Variants in GADL1 observed in about 807,000 individuals in gnomAD.
GADL1 encodes the protein GAD like acidic amino acid decarboxylase 1.
Under a neutral mutation model 69.5 loss-of-function variants are expected in GADL1, and 71 were observed. The observed-to-expected ratio is 1.02, with a 90% CI of 0.84 to 1.25. The LOEUF is 1.25. GADL1 is among the 50% of genes most tolerant of loss of function. The pLI, the probability that GADL1 is intolerant of heterozygous loss-of-function variation, is 0.00. For missense variants in GADL1, 737 were observed against 631.8 expected (o/e 1.17, Z -1.79); for synonymous variants, 254 against 214.4 (o/e 1.18, Z -1.62).
chr3:30,729,781 T>C, intron 14 of GADL1, among the ~76,000 whole-genome samples: 1 of 152,224 alleles, frequency 6.6e-6, no homozygotes, highest in East Asian at 1.9e-4. Flanking sequence ...TAATTTTAAC[T>C]CAACACTTTT....
chr3:30,768,123 T>G (rs898131319), intron 14 of GADL1, among the ~76,000 whole-genome samples: 1 of 150,670 alleles, frequency 6.6e-6, no homozygotes, highest in South Asian at 2.1e-4. Flanking sequence ...TGCAAATGTA[T>G]ACAGACTTCT....
intron 12 of GADL1, among the ~76,000 whole-genome samples, chr3:30,787,447 T>G (rs1180953310): frequency 6.6e-6 from 1 of 152,186 alleles, no homozygotes; most frequent in East Asian, 1.9e-4. Context: ...ATGGCTGGCC[T>G]TGAAAACTAG....
chr3:30,789,556 A>G (rs771351863), intron 12 of GADL1, among the ~76,000 whole-genome samples: 2 of 152,202 alleles, frequency 1.3e-5, no homozygotes, highest in Admixed American at 6.6e-5. Context: ...GAAGACGGGC[A>G]TTGACTTCCC....
chr3:30,796,605 A>G (rs1023281927), intron 12 of GADL1, among the ~76,000 whole-genome samples: 1 of 152,150 alleles, frequency 6.6e-6, no homozygotes, highest in African/African-American at 2.4e-5. Context: ...CTTGAACCCG[A>G]AAGAATATAG....
intron 6 of GADL1, among the ~76,000 whole-genome samples, chr3:30,847,470 TAA>T (rs1424706933): frequency 6.6e-6 from 1 of 152,194 alleles, no homozygotes; most frequent in African/African-American, 2.4e-5. Context: ...ACGCAGAGTT[TAA>T]GACTGTTTAC....
At chr3:30,763,364 A>G (rs904772631) in intron 14 of GADL1, among the ~76,000 whole-genome samples, 4 of 151,978 alleles carry the variant, frequency 2.6e-5, no homozygotes, top group African/African-American at 7.3e-5. Context: ...TTAACCAAGT[A>G]TAGTGGCCGG....
intron 1 of GADL1, among the ~76,000 whole-genome samples, chr3:30,893,022 T>C (rs1022784842): frequency 6.6e-6 from 1 of 152,064 alleles, no homozygotes; most frequent in Non-Finnish European, 1.5e-5. Flanking sequence ...GCCCGGCTAA[T>C]TTTTTGTATT....
rs1024252050 is a variant in GADL1 at position 30,805,758 on chromosome 3, T to TG, written c.1051-4671dup. ...CCTTTTTTTTTTTTTTTTTTTTTTT[T>TG]GGGCACCAGGGACCAGTGCTCATGG... On this transcript the variant is annotated intron_variant, in intron 11 of 14. Transcript: ENST00000282538. Among the ~76,000 whole-genome samples, 38 of 143,398 alleles carry TG rather than the reference T, an allele frequency of 2.6e-4. No individual in the cohort carries two copies. In the East Asian group the frequency reaches 7.4e-3, roughly 28 times the overall value. The allele number at this position is 143,398 out of a possible 152,430, so 94.1% of individuals were successfully genotyped here. A position where few individuals can be genotyped will look rare whatever the true frequency, so the allele number is the denominator to read the frequency against.
At chr3:30,879,736 A>G (rs1698619389) in intron 1 of GADL1, among the ~76,000 whole-genome samples, 1 of 151,894 alleles carries the variant, frequency 6.6e-6, no homozygotes. Flanking sequence ...TGCATTAAAT[A>G]TTACTTTTTC....
At position 30,826,934 on chromosome 3, in the gene GADL1, G is replaced by A. The variant is rs113541024; in HGVS notation, c.1050+6919C>T. ...GAGTCAAGATTTTTAAAGTGCCAACGTGGGATGGGATGAGAGAAGGTAATG... is the reference window on the plus strand; with the variant it reads ...GAGTCAAGATTTTTAAAGTGCCAACATGGGATGGGATGAGAGAAGGTAATG... On this transcript the variant is annotated intron_variant, in intron 11 of 14. Transcript: ENST00000282538. 5.6e-3 allele frequency among the ~76,000 whole-genome samples: 855 copies of A among 151,944 alleles called. 12 individuals are homozygous for A. The highest frequency in any genetic ancestry group is 0.02 in the African/African-American group (823 of 41,480).
At chr3:30,824,202 A>G (rs980656435) in intron 11 of GADL1, among the ~76,000 whole-genome samples, 1 of 151,664 alleles carries the variant, frequency 6.6e-6, no homozygotes, top group Non-Finnish European at 1.5e-5. Context: ...AAGCCAGAGG[A>G]AAAAAAGTCA....
rs983810939 is a variant in GADL1, at chr3:30,768,743, T to G, written c.1392+9436A>C. ...ATTTGAAGTGAAGAGAAGGAACAAT[T>G]TGATCTCTGAGAATTTGACTTAGGT... On this transcript the variant is annotated intron_variant, in intron 14 of 14. Coordinates refer to ENST00000282538, the MANE Select transcript of GADL1 (RefSeq NM_207359.3). Among the ~76,000 whole-genome samples the G allele has an allele frequency of 3.9e-5, 6 of 152,266 alleles. No homozygotes were observed. The East Asian group carries it at 1.2e-3, about 29-fold the overall frequency.
At chr3:30,729,910 G>A (rs1352683505) in intron 14 of GADL1, among the ~76,000 whole-genome samples, 2 of 152,034 alleles carry the variant, frequency 1.3e-5, no homozygotes, top group African/African-American at 4.8e-5. Context: ...GCAAAAAACT[G>A]GAAGTTTCTT....
At chr3:30,870,228 G>C (rs1698461412) in intron 1 of GADL1, among the ~76,000 whole-genome samples, 1 of 151,764 alleles carries the variant, frequency 6.6e-6, no homozygotes, top group Non-Finnish European at 1.5e-5. Flanking sequence ...TGACTTCATA[G>C]AATAAGGACA....
At chr3:30,857,191 T>G in intron 2 of GADL1, 50 bp from the exon 3 acceptor site, 2 of 1,522,652 alleles carry the variant, frequency 1.3e-6, no homozygotes, top group Non-Finnish European at 1.8e-6. Flanking sequence ...AGCCAGGTAT[T>G]GAGAGGATGT....
chr3:30,768,427 C>T (rs537618304), intron 14 of GADL1, among the ~76,000 whole-genome samples: 1 of 152,028 alleles, frequency 6.6e-6, no homozygotes, highest in South Asian at 2.1e-4. Context: ...AGTGAAGTAG[C>T]TTGAGGGGAA....
chr3:30,806,873 T>G (rs1393749), intron 11 of GADL1, among the ~76,000 whole-genome samples: 1 of 151,962 alleles, frequency 6.6e-6, no homozygotes, highest in Non-Finnish European at 1.5e-5. Context: ...AATGCCACAA[T>G]AAGAATGATT....
chr3:30,784,496 A>G (rs963029310), intron 13 of GADL1, among the ~76,000 whole-genome samples: 2 of 152,214 alleles, frequency 1.3e-5, no homozygotes, highest in Non-Finnish European at 2.9e-5. Flanking sequence ...AAGATCTTCC[A>G]TATGTCTAGC....
At chr3:30,891,352 C>T (rs980047308) in intron 1 of GADL1, among the ~76,000 whole-genome samples, 2 of 152,122 alleles carry the variant, frequency 1.3e-5, no homozygotes, top group Non-Finnish European at 2.9e-5. Flanking sequence ...GAGTGCGAAC[C>T]TCCCAAAACT....
Sources: allele counts gnomAD v4.1 joint callset (sites outside exome capture counted in the v4.1 genomes callset), GRCh38; gene constraint gnomAD v4.1.1; transcripts MANE v1.5; gene names NCBI Gene and HGNC (gene_info 2026-07-23, HGNC 2026-07-21).